Variants in RBFOX1 observed in about 807,000 individuals in gnomAD.
RBFOX1 encodes the protein RNA binding protein fox-1 homolog 1.
RBFOX1 carries 8 observed loss-of-function variants against 57.7 expected under a neutral mutation model. The ratio of observed to expected loss-of-function variants is 0.14; its 90% CI spans 0.08 to 0.25. RBFOX1 has a LOEUF of 0.25. RBFOX1 is among the 10% of genes least tolerant of loss of function. The pLI is 1.00. For missense variants in RBFOX1, 611 were observed against 548.5 expected, an observed-to-expected ratio of 1.11 and a Z score of -1.14; for synonymous variants, 326 against 222.4, an observed-to-expected ratio of 1.47 and a Z score of -4.15.
rs147865547 is a variant in RBFOX1, at chr16:6,351,879, C to G, written c.-64+34822C>G. 1.8e-3 allele frequency among the ~76,000 whole-genome samples: 281 copies of G among 152,208 alleles called. 1 individual carries two copies. The highest frequency in any genetic ancestry group is 6.3e-3 in the African/African-American group (260 of 41,524). ...TGACCTCATTTATTTTACAACCTAC[C>G]TACAAGATATGCATTATTTTCATCA... On this transcript the variant is annotated intron_variant, in intron 2 of 15. Coordinates refer to ENST00000550418, the MANE Select transcript of RBFOX1 (RefSeq NM_018723.4).
intron 1 of RBFOX1, among the ~76,000 whole-genome samples, chr16:5,240,861 C>A (rs531293744): frequency 5.8e-4 from 89 of 152,286 alleles, no homozygotes; most frequent in Non-Finnish European, 1.1e-3. Context: ...CCAACTCTTC[C>A]TGTGTGGCTT....
chr16:7,172,814 T>C (rs1601813394), intron 4 of RBFOX1, among the ~76,000 whole-genome samples: 1 of 152,140 alleles, frequency 6.6e-6, no homozygotes, highest in South Asian at 2.1e-4. Context: ...GTTAAACAGA[T>C]GGCAGAGTGC....
At chr16:5,633,595 T>C in intron 3 of RBFOX1, among the ~76,000 whole-genome samples, 1 of 152,054 alleles carries the variant, frequency 6.6e-6, no homozygotes, top group Non-Finnish European at 1.5e-5. Flanking sequence ...GGTAAAGGGC[T>C]GGGTGTGGTG....
At chr16:6,094,163 T>C (rs1567440065) in intron 1 of RBFOX1, among the ~76,000 whole-genome samples, 1 of 152,198 alleles carries the variant, frequency 6.6e-6, no homozygotes, top group East Asian at 1.9e-4. Context: ...TCCCAAGGAC[T>C]CATCTGTGTC....
intron 3 of RBFOX1, among the ~76,000 whole-genome samples, chr16:6,668,669 C>G (rs770156349): frequency 1.3e-5 from 2 of 152,032 alleles, no homozygotes; most frequent in Non-Finnish European, 1.5e-5. Context: ...GTTTTGATGC[C>G]TTAATTTTAA....
chr16:5,524,727 G>C (rs2044171015), intron 2 of RBFOX1, among the ~76,000 whole-genome samples: 1 of 151,956 alleles, frequency 6.6e-6, no homozygotes, highest in African/African-American at 2.4e-5. Context: ...TTTTAGTAGA[G>C]ACAGGGTTTC....
intron 2 of RBFOX1, among the ~76,000 whole-genome samples, chr16:6,614,864 A>C (rs1378222638): frequency 6.6e-6 from 1 of 152,162 alleles, no homozygotes; most frequent in Admixed American, 6.5e-5. Context: ...TCTATTAATA[A>C]AGTGACTCTG....
intron 1 of RBFOX1, among the ~76,000 whole-genome samples, chr16:6,257,504 C>A (rs1020062500): frequency 6.6e-6 from 1 of 151,920 alleles, no homozygotes; most frequent in Non-Finnish European, 1.5e-5. Context: ...GTTTGTCGTA[C>A]AGTTGATTTT....
rs543919658 is a variant in RBFOX1, at chr16:6,916,860, G to C, written c.-15-135197G>C. On this transcript the variant is annotated intron_variant, in intron 3 of 15. Coordinates refer to ENST00000550418, the MANE Select transcript of RBFOX1 (RefSeq NM_018723.4). ...TTTATTTGTTTGTTTTTGTTTTTTTGTGTGTATAAGATGGAGTCTCTCTCT... is the reference window on the plus strand; with the variant it reads ...TTTATTTGTTTGTTTTTGTTTTTTTCTGTGTATAAGATGGAGTCTCTCTCT... Among the ~76,000 whole-genome samples the C allele has an allele frequency of 1.3e-4, 19 of 151,736 alleles. 1 individual carries two copies. The East Asian group carries it at 3.7e-3, about 29-fold the overall frequency.
At chr16:5,498,375 C>G (rs992671167) in intron 2 of RBFOX1, among the ~76,000 whole-genome samples, 1 of 152,158 alleles carries the variant, frequency 6.6e-6, no homozygotes, top group Non-Finnish European at 1.5e-5. Flanking sequence ...ACCTCCTGAA[C>G]TCAAGTTATC....
chr16:6,760,133 T>C (rs182990591), intron 3 of RBFOX1, among the ~76,000 whole-genome samples: 1 of 152,138 alleles, frequency 6.6e-6, no homozygotes, highest in Non-Finnish European at 1.5e-5. Flanking sequence ...ATATGTTTTC[T>C]TAAGAAAAAA....
At chr16:6,690,735 G>A (rs150031907) in intron 3 of RBFOX1, among the ~76,000 whole-genome samples, 71 of 144,506 alleles carry the variant, frequency 4.9e-4, no homozygotes, top group African/African-American at 1.6e-3. Context: ...TTTCAAGTTC[G>A]GTTTGGTTTC....
chr16:7,532,342 G>T (rs566836205), intron 5 of RBFOX1, among the ~76,000 whole-genome samples: 1 of 152,116 alleles, frequency 6.6e-6, no homozygotes, highest in East Asian at 1.9e-4. Context: ...CGCCAGCTTC[G>T]GGGAGATGAG....
intron 5 of RBFOX1, among the ~76,000 whole-genome samples, chr16:7,534,799 T>G (rs528720602): frequency 6.6e-6 from 1 of 152,092 alleles, no homozygotes; most frequent in Non-Finnish European, 1.5e-5. Context: ...GGCCCTTAAT[T>G]CTAACACACA....
chr16:7,211,078 A>C (rs945383256), intron 4 of RBFOX1, among the ~76,000 whole-genome samples: 17 of 102,916 alleles, frequency 1.7e-4, no homozygotes, highest in African/African-American at 8.3e-4. Flanking sequence ...CCTTAGATAC[A>C]TACACTTAAA....
intron 2 of RBFOX1, among the ~76,000 whole-genome samples, chr16:6,645,510 C>T (rs1381992279): frequency 6.6e-6 from 1 of 152,014 alleles, no homozygotes; most frequent in Admixed American, 6.6e-5. Context: ...CATGAATAAC[C>T]CTGACCTACA....
chr16:7,705,781 G>A (rs2082241733), intron 14 of RBFOX1, among the ~76,000 whole-genome samples: 1 of 152,192 alleles, frequency 6.6e-6, no homozygotes, highest in Middle Eastern at 3.2e-3. Flanking sequence ...TATGGCTGTT[G>A]AGTTGGTGTT....
chr16:6,770,446 A>T (rs377504901), intron 3 of RBFOX1, among the ~76,000 whole-genome samples: 4 of 152,336 alleles, frequency 2.6e-5, no homozygotes, highest in African/African-American at 9.6e-5. Context: ...GCACCTATGC[A>T]AGCATATATT....
At chr16:5,970,320 G>A (rs994527832) in intron 4 of RBFOX1, among the ~76,000 whole-genome samples, 1 of 151,850 alleles carries the variant, frequency 6.6e-6, no homozygotes, top group Non-Finnish European at 1.5e-5. Flanking sequence ...GAGACTATAT[G>A]GCCATCATTC....
Sources: gnomAD v4.1 joint callset for allele counts (sites outside exome capture counted in the v4.1 genomes callset) on GRCh38, gnomAD v4.1.1 for gene constraint, MANE v1.5 for transcripts, NCBI Gene and HGNC (gene_info 2026-07-23, HGNC 2026-07-21) for gene names.